Variants in PLA2R1 observed in about 807,000 individuals in gnomAD.
The protein encoded by PLA2R1 is phospholipase A2 receptor 1, also known as secretory phospholipase A2 receptor.
PLA2R1 carries 158 observed loss-of-function variants against 195.9 expected under a neutral mutation model. The ratio of observed to expected loss-of-function variants is 0.81; its 90% CI spans 0.71 to 0.92. The LOEUF (loss-of-function observed/expected upper bound fraction) is 0.92. PLA2R1 is among the 40% of genes least tolerant of loss of function. PLA2R1 has a pLI of 0.00. For synonymous variants in PLA2R1, 586 were observed against 598.2 expected, an observed-to-expected ratio of 0.98 and a Z score of 0.30; for missense variants, 1,626 against 1,764.6, an observed-to-expected ratio of 0.92 and a Z score of 1.41.
At chr2:160,041,173 A>ATCTC (rs1272971674) in intron 3 of PLA2R1, among the ~76,000 whole-genome samples, 1 of 152,200 alleles carries the variant, frequency 6.6e-6, no homozygotes, top group Non-Finnish European at 1.5e-5. Context: ...TTTGGGGTTA[A>ATCTC]TCTCTTCAAC....
intron 1 of PLA2R1, among the ~76,000 whole-genome samples, chr2:160,060,550 CATATCTG>C (rs1333989502): frequency 6.6e-6 from 1 of 152,210 alleles, no homozygotes; most frequent in Non-Finnish European, 1.5e-5. Context: ...GCAGCATTTT[CATATCTG>C]AAGAATCTCT....
In PLA2R1 at chr2:160,022,876, A is replaced by G; in HGVS notation, c.1100-17T>C. 2 of 1,525,350 alleles carry G rather than the reference A, an allele frequency of 1.3e-6. No homozygotes were observed. Among genetic ancestry groups the G allele is most frequent in the African/African-American group, 1.4e-5 (1 of 72,190 alleles). The allele number at this position is 1,525,350 out of a possible 1,614,324, so 94.5% of individuals were successfully genotyped here. On this transcript the variant is annotated splice_polypyrimidine_tract_variant and intron_variant, in intron 6 of 29. Coordinates refer to ENST00000283243, the MANE Select transcript of PLA2R1 (RefSeq NM_007366.5). ...CATCTTTTTCTTTTTAAACCAACAA[A>G]AAACAATGTCATTTTCCACAATTAT...
chr2:159,961,967 G>T (rs1688475965), intron 20 of PLA2R1, among the ~76,000 whole-genome samples: 1 of 152,128 alleles, frequency 6.6e-6, no homozygotes, highest in Non-Finnish European at 1.5e-5. Flanking sequence ...TCAGGACATA[G>T]GCATGAGCAA....
intron 10 of PLA2R1, among the ~76,000 whole-genome samples, chr2:160,009,509 T>C (rs543277326): frequency 1.3e-5 from 2 of 152,190 alleles, no homozygotes; most frequent in East Asian, 1.9e-4. Context: ...AATAGAATAG[T>C]AGTTGCCAGG....
At chr2:159,988,196 C>T (rs1161395428) in intron 11 of PLA2R1, among the ~76,000 whole-genome samples, 1 of 143,496 alleles carries the variant, frequency 7.0e-6, no homozygotes, top group Non-Finnish European at 1.5e-5. Flanking sequence ...CAGTGAAGAA[C>T]AGTAGAAAGC....
intron 17 of PLA2R1, among the ~76,000 whole-genome samples, chr2:159,972,901 C>A (rs1007834897): frequency 6.6e-6 from 1 of 152,108 alleles, no homozygotes; most frequent in African/African-American, 2.4e-5. Context: ...AAGATGGAAA[C>A]ATTTTATTAA....
intron 11 of PLA2R1, among the ~76,000 whole-genome samples, chr2:159,991,760 A>C (rs1690817876): frequency 7.4e-6 from 1 of 135,058 alleles, no homozygotes; most frequent in Admixed American, 7.6e-5. Context: ...GATGATTTCC[A>C]ATTTCATCCA....
At chr2:160,061,561 C>T (rs1490068853) in intron 1 of PLA2R1, among the ~76,000 whole-genome samples, 1 of 151,980 alleles carries the variant, frequency 6.6e-6, no homozygotes, top group Non-Finnish European at 1.5e-5. Context: ...ATCACTTGGG[C>T]CCAGGAGTTG....
chr2:159,992,798 C>G (rs982073611), intron 11 of PLA2R1, among the ~76,000 whole-genome samples: 1 of 152,168 alleles, frequency 6.6e-6, no homozygotes, highest in Non-Finnish European at 1.5e-5. Flanking sequence ...ATAAACCTGA[C>G]TTACTCTACT....
intron 1 of PLA2R1, among the ~76,000 whole-genome samples, chr2:160,062,024 C>T (rs1288081576): frequency 6.6e-6 from 1 of 152,116 alleles, no homozygotes; most frequent in Non-Finnish European, 1.5e-5. Context: ...GAGTTACCTG[C>T]GAGACCAAGC....
intron 12 of PLA2R1, among the ~76,000 whole-genome samples, chr2:159,984,347 C>T (rs1274262956): frequency 6.6e-6 from 1 of 152,028 alleles, no homozygotes; most frequent in Non-Finnish European, 1.5e-5. Context: ...CACCCTAAAT[C>T]TTCTGTGACT....
chr2:159,947,266 A>G (rs1016875988), intron 26 of PLA2R1, among the ~76,000 whole-genome samples, 153 bp downstream of exon 26: 3 of 152,194 alleles, frequency 2.0e-5, no homozygotes, highest in Admixed American at 6.5e-5. Flanking sequence ...TCCTCCAAAC[A>G]AGCAATTTCA....
intron 11 of PLA2R1, among the ~76,000 whole-genome samples, chr2:159,990,285 C>T (rs1310172697): frequency 6.6e-6 from 1 of 152,170 alleles, no homozygotes; most frequent in African/African-American, 2.4e-5. Context: ...GTGAATCTCA[C>T]ATTTTAACAG....
chr2:159,998,869 C>T (rs978014557), intron 11 of PLA2R1, among the ~76,000 whole-genome samples: 1 of 152,142 alleles, frequency 6.6e-6, no homozygotes, highest in African/African-American at 2.4e-5. Context: ...TTAATCCTCC[C>T]TTCATTTAAC....
intron 20 of PLA2R1, among the ~76,000 whole-genome samples, chr2:159,960,953 C>G (rs1416532737): frequency 6.6e-6 from 1 of 152,152 alleles, no homozygotes; most frequent in Non-Finnish European, 1.5e-5. Flanking sequence ...GAAGGTCCAT[C>G]ATTGTTATCT....
intron 20 of PLA2R1, among the ~76,000 whole-genome samples, chr2:159,966,554 A>C (rs890886659): frequency 3.9e-5 from 6 of 152,244 alleles, no homozygotes; most frequent in Non-Finnish European, 8.8e-5. Flanking sequence ...TTTACCAGAT[A>C]TTAAAAAAAT....
intron 17 of PLA2R1, among the ~76,000 whole-genome samples, chr2:159,971,063 G>A (rs1689132771): frequency 6.6e-6 from 1 of 151,970 alleles, no homozygotes; most frequent in African/African-American, 2.4e-5. Flanking sequence ...TAACAAACCT[G>A]CATGTTCTGC....
chr2:160,020,079 G>A (rs1386649480), intron 8 of PLA2R1, 27 bp downstream of exon 8: 1 of 1,585,934 alleles, frequency 6.3e-7, no homozygotes. Flanking sequence ...CCAGCAAAGT[G>A]AGCACTGAAC....
intron 13 of PLA2R1, among the ~76,000 whole-genome samples, chr2:159,981,787 G>GTT (rs1377539404): frequency 6.6e-6 from 1 of 152,092 alleles, no homozygotes; most frequent in Non-Finnish European, 1.5e-5. Flanking sequence ...ATACCTCACT[G>GTT]TAACTTTGAA....
Sources: gnomAD v4.1 joint callset for allele counts (sites outside exome capture counted in the v4.1 genomes callset) on GRCh38, gnomAD v4.1.1 for gene constraint, MANE v1.5 for transcripts, NCBI Gene and HGNC (gene_info 2026-07-23, HGNC 2026-07-21) for gene names.